The following PSME4 variants were observed in gnomAD, a reference collection of about 807,000 sequenced individuals.
The protein encoded by PSME4 is proteasome activator complex subunit 4.
PSME4 carries 89 observed loss-of-function variants against 253.9 expected under a neutral mutation model. The observed-to-expected ratio is 0.35, with a 90% CI of 0.30 to 0.42. PSME4 has a LOEUF of 0.42. Ranked by LOEUF, PSME4 falls within the 10% of genes least tolerant of loss-of-function variation. The probability of loss-of-function intolerance (pLI) is 1.00; values close to 1 mark genes in which losing one functional copy is unlikely to be tolerated. For synonymous variants in PSME4, 851 were observed against 759.2 expected (o/e 1.12, Z -1.99); for missense variants, 2,014 against 2,195.2 (o/e 0.92, Z 1.65).
Position 53,897,049 on chromosome 2 carries a change from G to C in PSME4, c.3607-164C>G, listed in dbSNP as rs1680171041. The stretch of plus-strand genomic sequence containing the variant: ...GTGAGTGCTAAATCTGACTTAGAAT[G>C]AATCATAGGCAGTTCTTACTCTACA... On this transcript the variant is annotated intron_variant, in intron 31 of 46. Transcript: ENST00000404125. Among the ~76,000 whole-genome samples, 3 of 152,134 alleles carry C rather than the reference G, an allele frequency of 2.0e-5. No homozygotes were observed. The South Asian group carries it at 6.2e-4, about 32-fold the overall frequency.
intron 33 of PSME4, 79 bp from the exon 34 acceptor site, chr2:53,895,155 A>G: frequency 1.6e-6 from 2 of 1,244,716 alleles, no homozygotes; most frequent in Non-Finnish European, 1.1e-6. Context: ...ATTAGAAGGC[A>G]CTTTTAATGA....
intron 24 of PSME4, 81 bp from the exon 25 acceptor site, chr2:53,906,949 AGT>A (rs1680687135): frequency 7.5e-7 from 1 of 1,333,820 alleles, no homozygotes; most frequent in African/African-American, 1.5e-5. Flanking sequence ...TACCTTAATA[AGT>A]GGTCAAAAAG....
intron 41 of PSME4, among the ~76,000 whole-genome samples, chr2:53,876,054 C>G (rs1679099609): frequency 6.6e-6 from 1 of 152,032 alleles, no homozygotes; most frequent in African/African-American, 2.4e-5. Context: ...TCTAAAAGGT[C>G]CCTTAAAAAA....
Position 53,901,485 on chromosome 2 carries a change from T to G in PSME4, c.3150A>C (p.Val1050=). Residue 1050 remains valine, a synonymous_variant, in exon 28 of 47, where the codon GTA becomes GTC. Coordinates refer to ENST00000404125, the MANE Select transcript of PSME4 (RefSeq NM_014614.3). ...LANLHDWDCI[V]QTWPAIVSSG... ...AAGAAACAATCGCTGGCCACGTCTG[T>G]ACAATACAGTCCCAATCATGAAGGT... is the stretch of plus-strand genomic sequence containing the variant. 1 of 1,614,086 alleles carries G rather than the reference T, an allele frequency of 6.2e-7. No homozygotes were observed. The highest frequency in any genetic ancestry group is 8.5e-7 in the Non-Finnish European group (1 of 1,179,998).
chr2:53,866,624 G>C (rs1265804498), intron 45 of PSME4, 123 bp downstream of exon 45: 1 of 1,081,746 alleles, frequency 9.2e-7, no homozygotes, highest in Non-Finnish European at 1.3e-6. Context: ...AGCAGACTAA[G>C]CCTTGGCAGA....
chr2:53,906,451 T>C (rs1251584240), intron 26 of PSME4, 147 bp downstream of exon 26: 4 of 1,234,154 alleles, frequency 3.2e-6, no homozygotes, highest in East Asian at 2.7e-5. Context: ...CTGGAGGTAA[T>C]TACTGGAAAT....
chr2:53,929,911 G>A (rs745736891), intron 10 of PSME4, among the ~76,000 whole-genome samples: 1 of 152,028 alleles, frequency 6.6e-6, no homozygotes, highest in South Asian at 2.1e-4. Flanking sequence ...CCAGCTACTC[G>A]GAAGGCTGAG....
At position 53,932,097 on chromosome 2, in the gene PSME4, T is replaced by C; in HGVS notation, c.1054A>G (p.Lys352Glu). Residue 352 changes from lysine (K) to glutamate (E), a missense_variant, in exon 10 of 47, where the codon AAG becomes GAG. Lys to Glu is a moderately conservative substitution (Grantham distance 56, BLOSUM62 1). Around this residue, in one of 4 missense-constraint regions of PSME4, gnomAD observed 615 missense variants for 594.4 expected, o/e 1.03. Coordinates refer to ENST00000404125, the MANE Select transcript of PSME4 (RefSeq NM_014614.3). ...AACCGCTGAAGTAGTTTCATTAACT[T>C]GTTCTGGGGACACAGAAGCAAAAAG... ...HPSNNGRWLNKLMKLLQRLPN... is the reference protein window; with the variant it reads ...HPSNNGRWLNELMKLLQRLPN... The C allele has an allele frequency of 6.2e-7, 1 of 1,612,672 alleles. No individual in the cohort carries two copies. Among genetic ancestry groups the C allele is most frequent in the Non-Finnish European group, 8.5e-7 (1 of 1,178,930 alleles).
chr2:53,950,263 G>A (rs7601553), intron 1 of PSME4, among the ~76,000 whole-genome samples: 7,405 of 149,220 alleles, frequency 0.05, 403 homozygotes, highest in East Asian at 0.3. Flanking sequence ...TAGCCTAGGC[G>A]ACAGAGTGAG....
chr2:53,896,169 T>C lies in PSME4; in HGVS notation c.3689-433A>G, dbSNP rs1344967678. 3.3e-5 allele frequency among the ~76,000 whole-genome samples: 5 copies of C among 152,312 alleles called. No homozygotes were observed. The South Asian group carries it at 6.2e-4, about 19-fold the overall frequency. On this transcript the variant is annotated intron_variant, in intron 32 of 46. Coordinates refer to ENST00000404125, the MANE Select transcript of PSME4 (RefSeq NM_014614.3). ...ACTTATCTAAACTATGAGTATAAAC[T>C]GTAGACATCATCTCAAATAATCAAA...
chr2:53,906,614 G>C lies in PSME4; in HGVS notation c.2927C>G (p.Thr976Arg). 1 of 1,593,180 alleles carries C rather than the reference G, an allele frequency of 6.3e-7. No homozygotes were observed. Among genetic ancestry groups the C allele is most frequent in the Non-Finnish European group, 8.5e-7 (1 of 1,171,066 alleles). The change falls in exon 26 of 47, where the codon ACA becomes AGA. Residue 976 changes from threonine (T) to arginine (R), a missense_variant. Transcript: ENST00000404125. ...DMIRDLLRLS[T>R]SSYSQVRNKA... ...AAGCCTTACCTGACTGTATGAACTT[G>C]TAGATAAACGAAGAAGATCTCTGAT...
rs1679840102 is a variant in PSME4 at position 53,890,171 on chromosome 2, C to G, written c.4229G>C (p.Arg1410Thr). 6.2e-7 allele frequency: 1 copy of G among 1,613,840 alleles called. No homozygotes were observed. ...KLWELLCPLLRTALSNITVET... is the reference protein window; with the variant it reads ...KLWELLCPLLTTALSNITVET... ...TACGGTAATATTGGACAGTGCTGTT[C>G]TAAGCAGAGGGCACAGAAGCTCCCA... Residue 1410 changes from arginine (R) to threonine (T), a missense_variant, in exon 37 of 47, where the codon AGA (arginine) becomes ACA (threonine). Around this residue, in one of 4 missense-constraint regions of PSME4, gnomAD observed 403 missense variants for 556.1 expected, o/e 0.72. Transcript: ENST00000404125.
chr2:53,939,824 T>C (rs1279517777), intron 4 of PSME4, 132 bp downstream of exon 4: 6 of 658,338 alleles, frequency 9.1e-6, no homozygotes, highest in East Asian at 3.0e-5. Flanking sequence ...GGAAACGGTA[T>C]GTTGTGCTCA....
chr2:53,872,705 G>A (rs1678933979), intron 43 of PSME4, among the ~76,000 whole-genome samples: 1 of 116,946 alleles, frequency 8.6e-6, no homozygotes, highest in South Asian at 2.8e-4. Context: ...TTGTGCCACT[G>A]CACTACAGCC....
chr2:53,930,642 G>T (rs923757234), intron 10 of PSME4, among the ~76,000 whole-genome samples: 2 of 152,182 alleles, frequency 1.3e-5, no homozygotes, highest in Non-Finnish European at 2.9e-5. Flanking sequence ...GGCAGGTAAG[G>T]CAGCATCAAC....
chr2:53,956,599 GTCTC>G (rs1275858030), intron 1 of PSME4, among the ~76,000 whole-genome samples: 2 of 151,622 alleles, frequency 1.3e-5, no homozygotes, highest in Non-Finnish European at 2.9e-5. Flanking sequence ...TTGAGATGGA[GTCTC>G]TCTCTGTTGC....
intron 36 of PSME4, among the ~76,000 whole-genome samples, chr2:53,891,816 T>C (rs974131923): frequency 6.7e-6 from 1 of 149,158 alleles, no homozygotes; most frequent in East Asian, 2.0e-4. Flanking sequence ...ATCACACTAC[T>C]GTACTCCAGC....
In PSME4 at chr2:53,920,929, C is replaced by T. The variant is rs1384007255; in HGVS notation, c.2222G>A (p.Gly741Asp). 3.1e-6 allele frequency: 5 copies of T among 1,613,606 alleles called. No individual in the cohort carries two copies. The highest frequency in any genetic ancestry group is 4.2e-6 in the Non-Finnish European group (5 of 1,179,688). ...IYPTEYCSVPGGFDKPPSEYF... is the reference protein window; with the variant it reads ...IYPTEYCSVPDGFDKPPSEYF... ...TTCAGAAGGAGGCTTGTCAAAGCCACCTGGCACACTGCAGTATTCTGTAGG... is the reference window on the plus strand; with the variant it reads ...TTCAGAAGGAGGCTTGTCAAAGCCATCTGGCACACTGCAGTATTCTGTAGG... The change falls in exon 18 of 47, where the codon GGT becomes GAT. Residue 741 changes from glycine to aspartate, a missense_variant. By Grantham distance (94) the Gly-to-Asp change is moderately conservative. Around this residue, in one of 4 missense-constraint regions of PSME4, gnomAD observed 989 missense variants for 1,021.1 expected, o/e 0.97. Transcript: ENST00000404125.
chr2:53,870,172 C>T (rs1678800386), intron 43 of PSME4: 1 of 152,140 alleles, frequency 6.6e-6, no homozygotes, highest in Non-Finnish European at 1.5e-5. Context: ...ATTCATAATA[C>T]ACAATGATAA....
Sources: allele counts gnomAD v4.1 joint callset (sites outside exome capture counted in the v4.1 genomes callset), GRCh38; gene constraint gnomAD v4.1.1; regional missense constraint gnomAD v4.1.1; transcripts MANE v1.5; gene names NCBI Gene and HGNC (gene_info 2026-07-23, HGNC 2026-07-21).